TMC1: variants seen among roughly 807,000 people sequenced by gnomAD.
TMC1 encodes the protein transmembrane channel-like protein 1.
Under a neutral mutation model 105.8 loss-of-function variants are expected in TMC1, and 84 were observed. The ratio of observed to expected loss-of-function variants is 0.79; its 90% CI spans 0.67 to 0.95. The LOEUF (loss-of-function observed/expected upper bound fraction) is 0.95. Ranked by LOEUF, TMC1 falls within the 40% of genes least tolerant of loss-of-function variation. The pLI is 0.00. For synonymous variants in TMC1, 315 were observed against 311.5 expected (o/e 1.01, Z -0.12); for missense variants, 817 against 914.1 (o/e 0.89, Z 1.37).
chr9:72,664,063 T>C (rs1000445764), intron 5 of TMC1, among the ~76,000 whole-genome samples: 1 of 152,232 alleles, frequency 6.6e-6, no homozygotes, highest in Non-Finnish European at 1.5e-5. Context: ...TCTTCTGGAA[T>C]ACCTCCTGAA....
intron 12 of TMC1, among the ~76,000 whole-genome samples, chr9:72,761,993 C>G (rs1381403204): frequency 6.6e-6 from 1 of 151,960 alleles, no homozygotes; most frequent in Non-Finnish European, 1.5e-5. Context: ...ATGTTACATG[C>G]AGGAGATATT....
intron 9 of TMC1, 54 bp downstream of exon 9, chr9:72,740,263 C>A: frequency 6.7e-7 from 1 of 1,489,298 alleles, no homozygotes; most frequent in Non-Finnish European, 9.4e-7. Context: ...AAGAAGAACA[C>A]TGGTTCTTTT....
rs770921263 is a variant in TMC1, at chr9:72,772,498, C to A, written c.827C>A (p.Ser276Tyr). 1 of 1,613,906 alleles carries A rather than the reference C, an allele frequency of 6.2e-7. No individual in the cohort carries two copies. Among genetic ancestry groups the A allele is most frequent in the Admixed American group, 1.7e-5 (1 of 60,012 alleles). ...TGGATGAATTTCAGGTTGCCGCTCTCCTATTTTCTAGTGGGGATTATGTGC... is the reference window on the plus strand; with the variant it reads ...TGGATGAATTTCAGGTTGCCGCTCTACTATTTTCTAGTGGGGATTATGTGC... ...IGWMNFRLPL[S>Y]YFLVGIMCIG... Residue 276 changes from serine (S) to tyrosine (Y), a missense_variant, in exon 13 of 24, where the codon TCC becomes TAC. Transcript: ENST00000297784.
At chr9:72,709,013 G>C (rs574568786) in intron 8 of TMC1, among the ~76,000 whole-genome samples, 126 of 151,554 alleles carry the variant, frequency 8.3e-4, no homozygotes, top group African/African-American at 3.0e-3. Flanking sequence ...TTTTTTTCGG[G>C]GGGGTGGGTG....
intron 2 of TMC1, among the ~76,000 whole-genome samples, chr9:72,608,578 G>T (rs185975281): frequency 2.0e-5 from 3 of 151,946 alleles, no homozygotes; most frequent in Admixed American, 6.6e-5. Context: ...TTGGTGGTGC[G>T]TGCCTGTAAT....
At chr9:72,696,554 G>A (rs1451892977) in intron 7 of TMC1, among the ~76,000 whole-genome samples, 1 of 152,114 alleles carries the variant, frequency 6.6e-6, no homozygotes, top group Non-Finnish European at 1.5e-5. Context: ...GCACATTTAT[G>A]TAGGTTAATT....
intron 18 of TMC1, among the ~76,000 whole-genome samples, chr9:72,812,107 G>A (rs1028985761): frequency 2.6e-5 from 4 of 152,190 alleles, no homozygotes; most frequent in African/African-American, 9.6e-5. Flanking sequence ...CGTAATGCTT[G>A]ACTCTAGAAA....
intron 8 of TMC1, among the ~76,000 whole-genome samples, chr9:72,728,083 T>G (rs966211230): frequency 1.3e-5 from 2 of 151,988 alleles, no homozygotes; most frequent in Non-Finnish European, 2.9e-5. Flanking sequence ...AAAGACAGAT[T>G]AACAAGAGAA....
chr9:72,707,043 G>C (rs1354583858), intron 8 of TMC1, among the ~76,000 whole-genome samples: 1 of 152,118 alleles, frequency 6.6e-6, no homozygotes, highest in Non-Finnish European at 1.5e-5. Context: ...CCAAAGTGCT[G>C]GGATTACAGG....
At chr9:72,640,664 G>T (rs530564746) in intron 4 of TMC1, among the ~76,000 whole-genome samples, 1 of 150,442 alleles carries the variant, frequency 6.6e-6, no homozygotes, top group South Asian at 2.1e-4. Context: ...ACGGAGTGCC[G>T]CTCTGTCGCC....
intron 1 of TMC1, among the ~76,000 whole-genome samples, chr9:72,533,764 T>TTC (rs966782935): frequency 6.6e-6 from 1 of 152,140 alleles, no homozygotes; most frequent in African/African-American, 2.4e-5. Flanking sequence ...TTTCATGCGT[T>TTC]TCTCTCTCTC....
At chr9:72,767,065 A>T (rs1827850077) in intron 12 of TMC1, among the ~76,000 whole-genome samples, 1 of 152,176 alleles carries the variant, frequency 6.6e-6, no homozygotes, top group Non-Finnish European at 1.5e-5. Flanking sequence ...CTACTCCATG[A>T]AATGTTGAGT....
At chr9:72,531,987 A>G (rs978319308) in intron 1 of TMC1, among the ~76,000 whole-genome samples, 1 of 151,966 alleles carries the variant, frequency 6.6e-6, no homozygotes, top group African/African-American at 2.4e-5. Flanking sequence ...GCTGGAGTGC[A>G]GTGGTGTGAT....
intron 1 of TMC1, among the ~76,000 whole-genome samples, chr9:72,526,862 G>GAACT (rs1380523622): frequency 1.3e-5 from 2 of 152,182 alleles, no homozygotes; most frequent in Admixed American, 1.3e-4. Context: ...AGCCCATGAG[G>GAACT]AACTCTTCCT....
intron 4 of TMC1, among the ~76,000 whole-genome samples, chr9:72,633,143 T>G (rs1179625919): frequency 2.0e-5 from 3 of 152,236 alleles, no homozygotes; most frequent in East Asian, 1.9e-4. Flanking sequence ...GAATTTTTCC[T>G]TACTCAGTTT....
chr9:72,831,374 C>T (rs981651431), intron 23 of TMC1, among the ~76,000 whole-genome samples: 8 of 152,094 alleles, frequency 5.3e-5, no homozygotes, highest in Middle Eastern at 3.4e-3. Context: ...GTAATTTATT[C>T]GACCACACAA....
intron 7 of TMC1, among the ~76,000 whole-genome samples, chr9:72,697,995 T>G (rs574192186): frequency 6.6e-6 from 1 of 152,178 alleles, no homozygotes; most frequent in Non-Finnish European, 1.5e-5. Flanking sequence ...AAAACACATC[T>G]TTACCTCCTA....
chr9:72,817,813 C>A (rs1828811040), intron 19 of TMC1, among the ~76,000 whole-genome samples: 1 of 152,106 alleles, frequency 6.6e-6, no homozygotes, highest in African/African-American at 2.4e-5. Flanking sequence ...CTCTCGTGGG[C>A]AGATCCATTA....
intron 4 of TMC1, among the ~76,000 whole-genome samples, chr9:72,633,646 C>T (rs1015506453): frequency 2.0e-5 from 3 of 152,118 alleles, no homozygotes; most frequent in Non-Finnish European, 2.9e-5. Context: ...ATACCTGTAA[C>T]TTTTTGACTG....
Sources: allele counts gnomAD v4.1 joint callset (sites outside exome capture counted in the v4.1 genomes callset), GRCh38; gene constraint gnomAD v4.1.1; transcripts MANE v1.5; gene names NCBI Gene and HGNC (gene_info 2026-07-23, HGNC 2026-07-21).